The following ARHGAP20 variants were observed in gnomAD, a reference collection of about 807,000 sequenced individuals.
The protein encoded by ARHGAP20 is Rho GTPase activating protein 20, also known as rho GTPase-activating protein 20.
In ARHGAP20, 34 loss-of-function variants were observed where a neutral mutation model predicts 73.7. The observed-to-expected ratio is 0.46, with a 90% CI of 0.35 to 0.61. ARHGAP20 has a LOEUF of 0.61. ARHGAP20 is among the 20% of genes least tolerant of loss of function. The probability of loss-of-function intolerance (pLI) is 0.00; values close to 1 mark genes in which losing one functional copy is unlikely to be tolerated. For synonymous variants in ARHGAP20, 523 were observed against 518.2 expected (o/e 1.01, Z -0.13); for missense variants, 1,314 against 1,420.9 (o/e 0.92, Z 1.21).
At chr11:110,697,531 G>T (rs139508704) in intron 1 of ARHGAP20, among the ~76,000 whole-genome samples, 3,770 of 151,700 alleles carry the variant, frequency 0.025, 148 homozygotes, top group African/African-American at 0.08. Context: ...TAGGTTGTCT[G>T]TTTACTCTTA....
At chr11:110,612,414 C>A (rs927265865) in intron 6 of ARHGAP20, among the ~76,000 whole-genome samples, 2 of 150,654 alleles carry the variant, frequency 1.3e-5, no homozygotes, top group Non-Finnish European at 3.0e-5. Flanking sequence ...GGCGACAGAG[C>A]GAGACTCCAT....
chr11:110,611,240 A>T (rs1486415320), intron 7 of ARHGAP20, 69 bp downstream of exon 7: 5 of 1,065,794 alleles, frequency 4.7e-6, no homozygotes, highest in Middle Eastern at 4.4e-4. Context: ...TGATGGAAGG[A>T]AAATACTTAC....
At chr11:110,656,342 C>T (rs897173172) in intron 2 of ARHGAP20, among the ~76,000 whole-genome samples, 2 of 152,164 alleles carry the variant, frequency 1.3e-5, no homozygotes, top group African/African-American at 4.8e-5. Flanking sequence ...AATCCTGTGG[C>T]TACCAAATTC....
At chr11:110,707,372 A>C (rs904108279) in intron 1 of ARHGAP20, among the ~76,000 whole-genome samples, 1 of 152,150 alleles carries the variant, frequency 6.6e-6, no homozygotes, top group African/African-American at 2.4e-5. Context: ...AGAATAACTT[A>C]AAGTATTATC....
chr11:110,587,842 G>A (rs761051365), intron 11 of ARHGAP20, among the ~76,000 whole-genome samples: 1 of 152,060 alleles, frequency 6.6e-6, no homozygotes, highest in Non-Finnish European at 1.5e-5. Context: ...TCTTCTAGCA[G>A]AAATGTACCT....
At chr11:110,711,761 G>T (rs1950662987) in intron 1 of ARHGAP20, 1 of 1,356,438 alleles carries the variant, frequency 7.4e-7, no homozygotes, top group Non-Finnish European at 9.4e-7. Context: ...CACTTCGGGA[G>T]GCCCAGGGGC....
At chr11:110,623,335 C>T (rs1948668632) in intron 4 of ARHGAP20, among the ~76,000 whole-genome samples, 1 of 152,164 alleles carries the variant, frequency 6.6e-6, no homozygotes, top group African/African-American at 2.4e-5. Flanking sequence ...AAAACAAATA[C>T]TGGAGAGGTT....
intron 1 of ARHGAP20, chr11:110,711,926 G>A (rs1424171676): frequency 4.4e-5 from 55 of 1,255,046 alleles, no homozygotes; most frequent in African/African-American, 9.3e-5. Flanking sequence ...GGAGAAGCGG[G>A]CGCTCTGCGG....
chr11:110,701,961 T>G (rs1471410594), intron 1 of ARHGAP20, among the ~76,000 whole-genome samples: 1 of 152,208 alleles, frequency 6.6e-6, no homozygotes, highest in Non-Finnish European at 1.5e-5. Flanking sequence ...TGGGTACCAG[T>G]ACCATGCTGT....
intron 2 of ARHGAP20, among the ~76,000 whole-genome samples, chr11:110,652,706 A>G (rs1949382492): frequency 6.6e-6 from 1 of 152,208 alleles, no homozygotes; most frequent in Non-Finnish European, 1.5e-5. Flanking sequence ...TTCAAGAAGA[A>G]CTACAATCCA....
intron 6 of ARHGAP20, among the ~76,000 whole-genome samples, chr11:110,612,919 C>T (rs549365430): frequency 6.6e-6 from 1 of 152,300 alleles, no homozygotes; most frequent in African/African-American, 2.4e-5. Flanking sequence ...TGTCTGTCTT[C>T]TACCAGAGTG....
At position 110,585,248 on chromosome 11, in the gene ARHGAP20, G is replaced by A. The variant is rs532086054; in HGVS notation, c.1415+968C>T. Among the ~76,000 whole-genome samples the A allele has an allele frequency of 7.9e-4, 119 of 151,390 alleles. 1 individual carries two copies. The highest frequency in any genetic ancestry group is 5.6e-3 in the Admixed American group (84 of 15,092). On this transcript the variant is annotated intron_variant, in intron 12 of 14. Transcript: ENST00000683387. ...AAACGATTTAAACAAAATATTTCACGTGTTTATATTTGCATGAGAGTCATA... is the reference window on the plus strand; with the variant it reads ...AAACGATTTAAACAAAATATTTCACATGTTTATATTTGCATGAGAGTCATA...
chr11:110,712,629 G>C (rs1014002178), upstream of ARHGAP20: 4 of 152,334 alleles, frequency 2.6e-5, no homozygotes, highest in Non-Finnish European at 5.9e-5. Context: ...ACCGGCCACC[G>C]GCTGACCTTT....
At chr11:110,588,982 G>A (rs1022546075) in intron 11 of ARHGAP20, among the ~76,000 whole-genome samples, 5 of 152,254 alleles carry the variant, frequency 3.3e-5, no homozygotes, top group East Asian at 1.9e-4. Context: ...TGAGGCAGGA[G>A]AATGGCGTGA....
intron 3 of ARHGAP20, among the ~76,000 whole-genome samples, chr11:110,626,017 T>G (rs532939055): frequency 9.2e-5 from 14 of 152,322 alleles, no homozygotes; most frequent in Non-Finnish European, 1.9e-4. Context: ...TCCCACAGAA[T>G]TTAAGTGTAA....
chr11:110,704,625 T>TTTCCAGC (rs1950519750), intron 1 of ARHGAP20, among the ~76,000 whole-genome samples: 1 of 152,216 alleles, frequency 6.6e-6, no homozygotes, highest in Admixed American at 6.5e-5. Context: ...AAGGCAATCA[T>TTTCCAGC]CTCTGCTACC....
chr11:110,591,941 C>CT, intron 10 of ARHGAP20, 36 bp downstream of exon 10: 1 of 1,603,116 alleles, frequency 6.2e-7, no homozygotes, highest in Non-Finnish European at 8.5e-7. Context: ...CCCAAACACC[C>CT]TTTCCCATCA....
intron 2 of ARHGAP20, among the ~76,000 whole-genome samples, chr11:110,635,634 A>C (rs1948951301): frequency 6.6e-6 from 1 of 152,134 alleles, no homozygotes; most frequent in Non-Finnish European, 1.5e-5. Flanking sequence ...CTAATTAACC[A>C]CATACTATGT....
intron 10 of ARHGAP20, among the ~76,000 whole-genome samples, chr11:110,591,152 T>C (rs1002175939): frequency 2.0e-5 from 3 of 152,212 alleles, no homozygotes; most frequent in Admixed American, 6.5e-5. Context: ...GAATTTTAAG[T>C]GTTCTCTAAT....
Sources: allele counts gnomAD v4.1 joint callset (sites outside exome capture counted in the v4.1 genomes callset), GRCh38; gene constraint gnomAD v4.1.1; transcripts MANE v1.5; gene names NCBI Gene and HGNC (gene_info 2026-07-23, HGNC 2026-07-21).